Variants in ZNF574 observed in about 807,000 individuals in gnomAD.
The protein encoded by ZNF574 is zinc finger protein 574.
Under a neutral mutation model 56.6 loss-of-function variants are expected in ZNF574, and 25 were observed. That is an observed-to-expected ratio of 0.44 (90% CI 0.32 to 0.62). ZNF574 has a LOEUF of 0.62. ZNF574 is among the 20% of genes least tolerant of loss of function. The probability of loss-of-function intolerance (pLI) is 0.04; values close to 1 mark genes in which losing one functional copy is unlikely to be tolerated. For missense variants in ZNF574, 1,065 were observed against 1,218.9 expected, an observed-to-expected ratio of 0.87 and a Z score of 1.88; for synonymous variants, 543 against 492.1, an observed-to-expected ratio of 1.10 and a Z score of -1.37.
intron 1 of ZNF574, among the ~76,000 whole-genome samples, chr19:42,077,926 G>C (rs758568950): frequency 6.6e-6 from 1 of 152,006 alleles, no homozygotes; most frequent in Non-Finnish European, 1.5e-5. Context: ...AAATTTGACT[G>C]GGGGGAAGGG....
Position 42,080,984 on chromosome 19 carries a change from C to G in ZNF574, c.2378C>G (p.Pro793Arg), listed in dbSNP as rs1381616220. The change falls in exon 2 of 2, where the codon CCC becomes CGC. Residue 793 changes from proline (P) to arginine (R), a missense_variant. Pro to Arg is a moderately radical substitution (Grantham distance 103). Coordinates refer to ENST00000359044, the MANE Select transcript of ZNF574 (RefSeq NM_022752.6). The surrounding 1 kb of genome is among the most constrained non-coding windows in gnomAD (Gnocchi z 8.5). ...DHRRLHTGER[P>R]FACEVCGKAF... Reference sequence around the variant, plus strand: ...CGGCGCCTGCACACAGGTGAGCGGCCCTTTGCCTGTGAAGTGTGTGGCAAG... The same window carrying G: ...CGGCGCCTGCACACAGGTGAGCGGCGCTTTGCCTGTGAAGTGTGTGGCAAG... 1 of 1,614,096 alleles carries G rather than the reference C, an allele frequency of 6.2e-7. No individual in the cohort carries two copies. Among genetic ancestry groups the G allele is most frequent in the African/African-American group, 1.3e-5 (1 of 74,946 alleles).
Position 42,079,983 on chromosome 19 carries a change from G to A in ZNF574, c.1377G>A (p.Gly459=). Residue 459 remains glycine (G), a synonymous_variant, in exon 2 of 2, where the codon GGG becomes GGA. Coordinates refer to ENST00000359044, the MANE Select transcript of ZNF574 (RefSeq NM_022752.6). This position sits in a 1 kb window ranked among gnomAD's most constrained non-coding sequence, Gnocchi z 4.3. ...CTGTGTCTGAGGAGACCTCAGCAGG[G>A]CCCGCTGCCCCAGGCACCTACCGCT... ...EPPVSEETSA[G]PAAPGTYRCL... 6.2e-7 allele frequency: 1 copy of A among 1,613,924 alleles called. No homozygotes were observed. Among genetic ancestry groups the A allele is most frequent in the Non-Finnish European group, 8.5e-7 (1 of 1,180,040 alleles).
chr19:42,069,803 C>T (rs913445938), intron 1 of ZNF574, among the ~76,000 whole-genome samples: 2 of 151,868 alleles, frequency 1.3e-5, no homozygotes, highest in African/African-American at 2.4e-5. Context: ...GGCAAGGGCC[C>T]GGAGTCCTCA....
At chr19:42,069,608 G>C (rs1358335723) in intron 1 of ZNF574, 2 of 150,786 alleles carry the variant, frequency 1.3e-5, no homozygotes, top group Non-Finnish European at 3.0e-5. Context: ...GGGGGAAGCT[G>C]GCCCAGGAAA....
In ZNF574 at chr19:42,081,457, G is replaced by C; in HGVS notation, c.*160G>C. On this transcript the variant is annotated 3_prime_UTR_variant, in exon 2 of 2. Coordinates refer to ENST00000359044, the MANE Select transcript of ZNF574 (RefSeq NM_022752.6). ...TTCTCTCGTGAGGGGGGTGCTCTGG[G>C]GTCCTTGACACACATAAAGGTGCCC... 1.0e-6 allele frequency: 1 copy of C among 966,790 alleles called. No homozygotes were observed. The highest frequency in any genetic ancestry group is 1.6e-6 in the Non-Finnish European group (1 of 628,142). The allele number at this position is 966,790 out of a possible 1,614,324, so 59.9% of individuals were successfully genotyped here. A position where few individuals can be genotyped will look rare whatever the true frequency, so the allele number is the denominator to read the frequency against.
chr19:42,079,894 C>A lies in ZNF574; in HGVS notation c.1288C>A (p.Pro430Thr), dbSNP rs1237551115. Residue 430 changes from proline to threonine, a missense_variant, in exon 2 of 2, where the codon CCT becomes ACT. Coordinates refer to ENST00000359044, the MANE Select transcript of ZNF574 (RefSeq NM_022752.6). The surrounding 1 kb of genome is among the most constrained non-coding windows in gnomAD (Gnocchi z 4.3). ...CACAACACCAGTCCCACCAGAGGAA[C>A]CTGTCATTGGTTTCCCTGAGCCAGC... is the stretch of plus-strand genomic sequence containing the variant. ...LPTTPVPPEE[P>T]VIGFPEPAPA... 2 of 1,614,100 alleles carry A rather than the reference C, an allele frequency of 1.2e-6. No homozygotes were observed. Among genetic ancestry groups the A allele is most frequent in the Non-Finnish European group, 1.7e-6 (2 of 1,180,030 alleles).
chr19:42,081,410 T>C lies in ZNF574; in HGVS notation c.*113T>C, dbSNP rs1348433148. 7.2e-7 allele frequency: 1 copy of C among 1,380,204 alleles called. No homozygotes were observed. The highest frequency in any genetic ancestry group is 2.4e-5 in the East Asian group (1 of 42,420). 85.5% of individuals were successfully genotyped at this position (1,380,204 alleles called of 1,614,324 possible). On this transcript the variant is annotated 3_prime_UTR_variant, in exon 2 of 2. Transcript: ENST00000359044. ...CTTCCTCTTCCCATCCCCACCACCT[T>C]GTAAGTTCTAAATTGGATTTATTCT...
At chr19:42,068,945 C>T in exon 1 of ZNF574, 2 of 631,054 alleles carry the variant, frequency 3.2e-6, no homozygotes, top group Non-Finnish European at 5.7e-6. Context: ...GGGGCACGGA[C>T]ATGCCAGGGG....
chr19:42,069,040 T>C, intron 1 of ZNF574: 1 of 493,150 alleles, frequency 2.0e-6, no homozygotes, highest in South Asian at 3.1e-5. Flanking sequence ...CAGTGAGCTA[T>C]GTACCCAGAA....
rs765445741 is a variant in ZNF574, at chr19:42,080,101, A to C, written c.1495A>C (p.Ile499Leu). The change falls in exon 2 of 2, where the codon ATT becomes CTT. Residue 499 changes from isoleucine (I) to leucine (L), a missense_variant. Transcript: ENST00000359044. The surrounding 1 kb of genome is among the most constrained non-coding windows in gnomAD (Gnocchi z 8.5). ...HRLERRHKCSICGKMFKKKSH... is the reference protein window; with the variant it reads ...HRLERRHKCSLCGKMFKKKSH... ...GCTGGAGCGGCGCCATAAATGCAGC[A>C]TTTGTGGCAAGATGTTCAAGAAGAA... 1.2e-6 allele frequency: 2 copies of C among 1,613,982 alleles called. No homozygotes were observed. Among genetic ancestry groups the C allele is most frequent in the African/African-American group, 2.7e-5 (2 of 74,904 alleles).
rs2076474448 is a variant in ZNF574, at chr19:42,078,941, C to T, written c.335C>T (p.Pro112Leu). Reference sequence around the variant, plus strand: ...CCCCAGGAGGCAGTGCCAGCTGAGCCATCACCTAAGGCACCACCCCTGAGC... The same window carrying T: ...CCCCAGGAGGCAGTGCCAGCTGAGCTATCACCTAAGGCACCACCCCTGAGC... Reference protein sequence around the residue: ...MAPQEAVPAEPSPKAPPLSSS... With the variant: ...MAPQEAVPAELSPKAPPLSSS... Residue 112 changes from proline (P) to leucine (L), a missense_variant, in exon 2 of 2, where the codon CCA (proline) becomes CTA (leucine). By Grantham distance (98) the Pro-to-Leu change is moderately conservative. Coordinates refer to ENST00000359044, the MANE Select transcript of ZNF574 (RefSeq NM_022752.6). 3 of 1,613,936 alleles carry T rather than the reference C, an allele frequency of 1.9e-6. No individual in the cohort carries two copies. Among genetic ancestry groups the T allele is most frequent in the African/African-American group, 1.3e-5 (1 of 74,902 alleles).
intron 1 of ZNF574, chr19:42,069,099 G>A: frequency 6.7e-6 from 3 of 444,736 alleles, no homozygotes; most frequent in Admixed American, 4.1e-5. Context: ...GAGATGGAGG[G>A]CGCAGAGCAG....
Position 42,080,696 on chromosome 19 carries a change from TC to T in ZNF574, c.2092del (p.Leu698TrpfsTer41). 1 of 1,612,902 alleles carries T rather than the reference TC, an allele frequency of 6.2e-7. No homozygotes were observed. The highest frequency in any genetic ancestry group is 8.5e-7 in the Non-Finnish European group (1 of 1,179,814). On this transcript the variant is annotated frameshift_variant, in exon 2 of 2. Coordinates refer to ENST00000359044, the MANE Select transcript of ZNF574 (RefSeq NM_022752.6). LOFTEE classifies it high-confidence loss of function. The surrounding 1 kb of genome is among the most constrained non-coding windows in gnomAD (Gnocchi z 8.5). Reference sequence around the variant, plus strand: ...CATGCAGCTGCTGGGCCTGGAGAGGTCCTGGCTAAGGAGCCCCCTGCCCCTC... The same window carrying T: ...CATGCAGCTGCTGGGCCTGGAGAGGTCTGGCTAAGGAGCCCCCTGCCCCTC... The part of the protein sequence containing the change: ...AAHAAAGPGE[V>X]LAKEPPAPRA...
In ZNF574 at chr19:42,080,578, G is replaced by A. The variant is rs1599879413; in HGVS notation, c.1972G>A (p.Ala658Thr). 1 of 1,612,794 alleles carries A rather than the reference G, an allele frequency of 6.2e-7. No homozygotes were observed. The part of the protein sequence containing the change: ...SLRLREHRCA[A>T]AAAQAPRRFE... ...GCGGCTCCGGGAGCACCGCTGTGCA[G>A]CCGCTGCTGCCCAGGCCCCACGGCG... is the stretch of plus-strand genomic sequence containing the variant. Residue 658 changes from alanine (A) to threonine (T), a missense_variant, in exon 2 of 2, where the codon GCC (alanine) becomes ACC (threonine). Transcript: ENST00000359044. The surrounding 1 kb of genome is among the most constrained non-coding windows in gnomAD (Gnocchi z 8.5).
rs1339206302 is a variant in ZNF574 at position 42,081,377 on chromosome 19, C to G, written c.*80C>G. 1 of 1,551,282 alleles carries G rather than the reference C, an allele frequency of 6.4e-7. No homozygotes were observed. The highest frequency in any genetic ancestry group is 8.9e-7 in the Non-Finnish European group (1 of 1,124,474). The stretch of plus-strand genomic sequence containing the variant: ...GCATCCCCTTAAGCATCTGTACATA[C>G]TGTGTCCCTTCCTCTTCCCATCCCC... On this transcript the variant is annotated 3_prime_UTR_variant, in exon 2 of 2. Transcript: ENST00000359044.
At chr19:42,070,548 A>C (rs1203437728) in intron 1 of ZNF574, 1 of 152,566 alleles carries the variant, frequency 6.6e-6, no homozygotes. Context: ...AAGAGAAATG[A>C]AGAGAAGAGA....
chr19:42,073,689 C>T (rs1031932829), upstream of ZNF574, among the ~76,000 whole-genome samples: 7 of 151,168 alleles, frequency 4.6e-5, no homozygotes, highest in South Asian at 8.4e-4. Flanking sequence ...CAGGGCATGG[C>T]GGTGTATGCC....
chr19:42,071,334 C>T (rs2076419387), upstream of ZNF574, among the ~76,000 whole-genome samples: 1 of 151,808 alleles, frequency 6.6e-6, no homozygotes, highest in Non-Finnish European at 1.5e-5. Context: ...TGACAGTTGG[C>T]GCCGAAGGCT....
At chr19:42,074,501 A>AAAAT (rs1019172214), upstream of ZNF574, among the ~76,000 whole-genome samples, 1 of 149,394 alleles carries the variant, frequency 6.7e-6, no homozygotes, top group African/African-American at 2.5e-5. Flanking sequence ...AAAATAAAAT[A>AAAAT]AAAATAAAAT....
Sources: gnomAD v4.1 joint callset for allele counts (sites outside exome capture counted in the v4.1 genomes callset) on GRCh38, gnomAD v4.1.1 for gene constraint, Gnocchi (gnomAD v3.1) non-coding constraint, MANE v1.5 for transcripts, NCBI Gene and HGNC (gene_info 2026-07-23, HGNC 2026-07-21) for gene names.